Variants in TRDMT1 observed in about 807,000 individuals in gnomAD.
TRDMT1 encodes tRNA aspartic acid methyltransferase 1, also known as tRNA (cytosine(38)-C(5))-methyltransferase.
TRDMT1 carries 49 observed loss-of-function variants against 51.2 expected under a neutral mutation model. That is an observed-to-expected ratio of 0.96 (90% CI 0.76 to 1.21). The LOEUF is 1.21. TRDMT1 is among the 50% of genes most tolerant of loss of function. The probability of loss-of-function intolerance (pLI) is 0.00; values close to 1 mark genes in which losing one functional copy is unlikely to be tolerated. For synonymous variants in TRDMT1, 187 were observed against 164.6 expected, an observed-to-expected ratio of 1.14 and a Z score of -1.04; for missense variants, 534 against 462.3, an observed-to-expected ratio of 1.16 and a Z score of -1.42.
chr10:17,159,843 T>C (rs187769452), intron 6 of TRDMT1, among the ~76,000 whole-genome samples: 1 of 152,292 alleles, frequency 6.6e-6, no homozygotes, highest in African/African-American at 2.4e-5. Flanking sequence ...ACTTGTCTTA[T>C]CATGATCAAT....
At chr10:17,156,726 A>T (rs1839566369) in intron 8 of TRDMT1, among the ~76,000 whole-genome samples, 1 of 152,180 alleles carries the variant, frequency 6.6e-6, no homozygotes, top group African/African-American at 2.4e-5. Context: ...GATATGCGAT[A>T]ATATTCTATT....
chr10:17,169,365 T>C (rs1416836702), intron 2 of TRDMT1: 2 of 1,238,462 alleles, frequency 1.6e-6, no homozygotes, highest in African/African-American at 3.1e-5. Context: ...TCACCATCCC[T>C]TTCATATACA....
chr10:17,178,057 C>A (rs952842930), intron 1 of TRDMT1, among the ~76,000 whole-genome samples: 6 of 152,088 alleles, frequency 3.9e-5, no homozygotes, highest in African/African-American at 1.4e-4. Context: ...CATAACCAGT[C>A]CACTTTGAAA....
intron 1 of TRDMT1, among the ~76,000 whole-genome samples, chr10:17,197,235 G>A (rs973727940): frequency 6.6e-6 from 1 of 152,052 alleles, no homozygotes; most frequent in African/African-American, 2.4e-5. Flanking sequence ...TTGATAAAAC[G>A]ATAGCAGAAG....
At chr10:17,175,361 A>G (rs1842500460) in intron 1 of TRDMT1, among the ~76,000 whole-genome samples, 1 of 152,198 alleles carries the variant, frequency 6.6e-6, no homozygotes, top group African/African-American at 2.4e-5. Context: ...ACCATTTTCA[A>G]AATGTTTTCA....
At position 17,192,893 on chromosome 10, in the gene TRDMT1, A is replaced by G. The variant is rs12251197; in HGVS notation, c.64+8678T>C. 8.1e-3 allele frequency among the ~76,000 whole-genome samples: 1,236 copies of G among 152,312 alleles called. 21 individuals carry two copies. Among genetic ancestry groups the G allele is most frequent in the African/African-American group, 0.027 (1,140 of 41,560 alleles). Reference sequence around the variant, plus strand: ...AACCCCTCAAGAAAGTAGGCATCAAAGGAACATACCTCAAAATAATAAGAG... The same window carrying G: ...AACCCCTCAAGAAAGTAGGCATCAAGGGAACATACCTCAAAATAATAAGAG... On this transcript the variant is annotated intron_variant, in intron 1 of 10. Transcript: ENST00000377799.
intron 9 of TRDMT1, 151 bp from the exon 10 acceptor site, chr10:17,153,787 C>A (rs1329034515): frequency 4.7e-6 from 3 of 633,520 alleles, no homozygotes; most frequent in South Asian, 3.3e-5. Context: ...GTGCAATAGA[C>A]TACATATTGG....
intron 2 of TRDMT1, chr10:17,171,665 G>C (rs182390628): frequency 6.6e-6 from 1 of 152,290 alleles, no homozygotes; most frequent in South Asian, 2.1e-4. Context: ...TATCTGCAAA[G>C]ACATATTTTT....
At chr10:17,181,930 C>A (rs1424426243) in intron 1 of TRDMT1, among the ~76,000 whole-genome samples, 1 of 152,178 alleles carries the variant, frequency 6.6e-6, no homozygotes, top group African/African-American at 2.4e-5. Flanking sequence ...ACTTACCTCA[C>A]TCATGCTCTG....
At chr10:17,151,344 C>T (rs931033433) in intron 10 of TRDMT1, 15 of 985,186 alleles carry the variant, frequency 1.5e-5, no homozygotes, top group African/African-American at 5.2e-5. Context: ...AGCTTTCACC[C>T]GTAAGGACAG....
chr10:17,175,825 G>A (rs916744784), intron 1 of TRDMT1, among the ~76,000 whole-genome samples: 3 of 152,022 alleles, frequency 2.0e-5, no homozygotes, highest in African/African-American at 4.8e-5. Flanking sequence ...GAAGAGATGA[G>A]GCCAGGAAGA....
chr10:17,169,471 TTGA>T (rs1841672283), intron 2 of TRDMT1: 24 of 1,289,702 alleles, frequency 1.9e-5, no homozygotes, highest in Non-Finnish European at 2.4e-5. Context: ...CAAATGACTG[TTGA>T]CAAGATGCAT....
rs537853333 is a variant in TRDMT1, at chr10:17,191,054, T to C, written c.64+10517A>G. ...CTGACAGATATCAGGGAGAAGCACT[T>C]TCTAGGACAGAGAGAAGAGACACAG... On this transcript the variant is annotated intron_variant, in intron 1 of 10. Coordinates refer to ENST00000377799, the MANE Select transcript of TRDMT1 (RefSeq NM_004412.7). Among the ~76,000 whole-genome samples, 19 of 152,208 alleles carry C rather than the reference T, an allele frequency of 1.2e-4. No homozygotes were observed. In the South Asian group the frequency reaches 3.9e-3, roughly 32 times the overall value.
intron 1 of TRDMT1, among the ~76,000 whole-genome samples, chr10:17,176,814 G>C (rs1249738586): frequency 3.9e-5 from 6 of 152,102 alleles, no homozygotes; most frequent in African/African-American, 1.4e-4. Context: ...ATATTTCTTA[G>C]TATACAGTTT....
At position 17,139,078 on chromosome 10, in the gene TRDMT1, C is replaced by T. The variant is rs1458944811; in HGVS notation, c.*9962G>A. The T allele has an allele frequency of 1.4e-6, 1 of 723,988 alleles. No individual in the cohort carries two copies. Among genetic ancestry groups the T allele is most frequent in the African/African-American group, 1.9e-5 (1 of 51,904 alleles). 44.8% of individuals were successfully genotyped at this position (723,988 alleles called of 1,614,324 possible). ...TCAACAGAGCTTTCTCTACCTCCAA[C>T]AGCTCCCGGAATGGGGACTTCAGCA... On this transcript the variant is annotated 3_prime_UTR_variant, in exon 11 of 11. Transcript: ENST00000377799.
At chr10:17,173,600 C>T (rs1339184798) in intron 2 of TRDMT1, among the ~76,000 whole-genome samples, 1 of 152,026 alleles carries the variant, frequency 6.6e-6, no homozygotes, top group Non-Finnish European at 1.5e-5. Flanking sequence ...TGTTCTAAGT[C>T]TTGATTGTGG....
chr10:17,180,932 A>G (rs1355474736), intron 1 of TRDMT1, among the ~76,000 whole-genome samples: 1 of 152,226 alleles, frequency 6.6e-6, no homozygotes, highest in African/African-American at 2.4e-5. Context: ...TTTTACATCA[A>G]ATTAAATTTT....
rs1386566624 is a variant in TRDMT1, at chr10:17,145,366, A to G, written c.*3674T>C. The G allele has an allele frequency of 1.0e-5, 10 of 985,384 alleles. No homozygotes were observed. Among genetic ancestry groups the G allele is most frequent in the Non-Finnish European group, 1.2e-5 (10 of 829,962 alleles). 61.0% of individuals were successfully genotyped at this position (985,384 alleles called of 1,614,324 possible). ...CAGAGGTCCAGAAAAGTGCTTGCTA[A>G]GAAGCTGATATGATAGTTGTATATA... On this transcript the variant is annotated 3_prime_UTR_variant, in exon 11 of 11. Transcript: ENST00000377799.
At chr10:17,166,004 T>A (rs1050852996) in intron 3 of TRDMT1, among the ~76,000 whole-genome samples, 71 of 152,216 alleles carry the variant, frequency 4.7e-4, no homozygotes, top group Non-Finnish European at 8.1e-4. Context: ...CATTTGACCC[T>A]GCCATCCCAT....
Sources: gnomAD v4.1 joint callset for allele counts (sites outside exome capture counted in the v4.1 genomes callset) on GRCh38, gnomAD v4.1.1 for gene constraint, MANE v1.5 for transcripts, NCBI Gene and HGNC (gene_info 2026-07-23, HGNC 2026-07-21) for gene names.